Variants in MTHFD1 observed in about 807,000 individuals in gnomAD.
MTHFD1 encodes the protein C-1-tetrahydrofolate synthase, cytoplasmic.
MTHFD1 carries 44 observed loss-of-function variants against 110.3 expected under a neutral mutation model. That is an observed-to-expected ratio of 0.40 (90% confidence interval 0.31 to 0.51). MTHFD1 has a LOEUF of 0.51. Among genes scored for constraint, MTHFD1 ranks in the 20% least tolerant of loss-of-function variants. MTHFD1 has a pLI of 0.60. For missense variants in MTHFD1, 909 were observed against 1,173.1 expected (o/e 0.77, Z 3.29); for synonymous variants, 402 against 428.8 (o/e 0.94, Z 0.77).
chr14:64,395,779 A>G (rs997128151), intron 1 of MTHFD1, among the ~76,000 whole-genome samples: 7 of 152,164 alleles, frequency 4.6e-5, no homozygotes, highest in African/African-American at 7.2e-5. Context: ...GATAGTCCCC[A>G]TAACAAAGGA....
chr14:64,439,479 C>G (rs2078231757), intron 17 of MTHFD1: 1 of 430,952 alleles, frequency 2.3e-6, no homozygotes, highest in Non-Finnish European at 4.3e-6. Context: ...CTGTATATCT[C>G]CTTGGTTTAA....
chr14:64,404,178 T>C (rs2077920823), intron 2 of MTHFD1, among the ~76,000 whole-genome samples: 1 of 152,198 alleles, frequency 6.6e-6, no homozygotes, highest in East Asian at 1.9e-4. Flanking sequence ...TTTTAGGCAG[T>C]TTCATCTATC....
rs2078533320 is a variant in MTHFD1 at position 64,459,816 on chromosome 14, C to T, written c.*62C>T. 3.9e-6 allele frequency: 6 copies of T among 1,535,920 alleles called. No individual in the cohort carries two copies. The highest frequency in any genetic ancestry group is 5.2e-6 in the Non-Finnish European group (6 of 1,146,722). ...AGTCTGGCCAGTGTCTATTCAGGCC[C>T]ACTGGGAGTTAGGAAGTATAAGTAA... On this transcript the variant is annotated 3_prime_UTR_variant, in exon 28 of 28. Coordinates refer to ENST00000652337, the MANE Select transcript of MTHFD1 (RefSeq NM_005956.4).
intron 16 of MTHFD1, among the ~76,000 whole-genome samples, chr14:64,438,799 C>T (rs2078225632): frequency 6.6e-6 from 1 of 152,120 alleles, no homozygotes; most frequent in African/African-American, 2.4e-5. Context: ...CTCTGTTTTT[C>T]TTATATGTGG....
chr14:64,435,786 C>A, intron 16 of MTHFD1, 115 bp downstream of exon 16: 1 of 735,184 alleles, frequency 1.4e-6, no homozygotes. Flanking sequence ...ATTTTACCAG[C>A]TAAGGCATGA....
intron 15 of MTHFD1, 108 bp downstream of exon 15, chr14:64,431,969 A>T: frequency 1.1e-6 from 1 of 903,914 alleles, no homozygotes; most frequent in Non-Finnish European, 1.8e-6. Context: ...ATGAAGTTAC[A>T]TCAGTAATCA....
chr14:64,426,464 CTGTTGT>C (rs571611271), intron 11 of MTHFD1, among the ~76,000 whole-genome samples: 1 of 151,918 alleles, frequency 6.6e-6, no homozygotes, highest in East Asian at 1.9e-4. Flanking sequence ...TCACCTTTTG[CTGTTGT>C]TGTTGTTGTT....
intron 1 of MTHFD1, among the ~76,000 whole-genome samples, chr14:64,395,029 G>A (rs943317466): frequency 3.9e-5 from 6 of 152,326 alleles, no homozygotes. Context: ...CTAATTCTCA[G>A]TGTTAGAATT....
At chr14:64,437,205 C>A (rs1226999145) in intron 16 of MTHFD1, among the ~76,000 whole-genome samples, 1 of 151,320 alleles carries the variant, frequency 6.6e-6, no homozygotes, top group African/African-American at 2.4e-5. Context: ...TAGAAAACAT[C>A]TTGAAAAAAA....
chr14:64,411,665 C>T (rs1049739670), intron 3 of MTHFD1, among the ~76,000 whole-genome samples: 16 of 152,090 alleles, frequency 1.1e-4, no homozygotes, highest in South Asian at 2.1e-4. Context: ...TTTGGGAGGC[C>T]GAGGCGGGCG....
chr14:64,412,580 G>A, intron 4 of MTHFD1, 55 bp downstream of exon 4: 2 of 1,426,352 alleles, frequency 1.4e-6, no homozygotes, highest in South Asian at 1.1e-5. Flanking sequence ...TTCCTCTCTG[G>A]TTTTGGTTTA....
rs1231120893 is a variant in MTHFD1, at chr14:64,430,310, T to C, written c.1311+80T>C. The C allele has an allele frequency of 4.5e-6, 6 of 1,325,008 alleles. No individual in the cohort carries two copies. The Admixed American group carries it at 1.0e-4, about 22-fold the overall frequency. 82.1% of individuals were successfully genotyped at this position (1,325,008 alleles called of 1,614,324 possible). A position where few individuals can be genotyped will look rare whatever the true frequency, so the allele number is the denominator to read the frequency against. ...AGGGTGCTGAATTAGCTCCCTTTTT[T>C]TCCCCATGACGGAGTCTTGCTCTGT... is the stretch of plus-strand genomic sequence containing the variant. On this transcript the variant is annotated intron_variant, in intron 13 of 27. Transcript: ENST00000652337.
Position 64,431,507 on chromosome 14 carries a change from T to A in MTHFD1, c.1312-25T>A, listed in dbSNP as rs200569913. The A allele has an allele frequency of 2.0e-5, 32 of 1,568,734 alleles. No individual in the cohort carries two copies. The East Asian group carries it at 6.7e-4, about 33-fold the overall frequency. ...GAAAGATACAGAGCAGCTGGGAGACTAATGTGGCTTCTGTTCTTTTGTAGT... is the reference window on the plus strand; with the variant it reads ...GAAAGATACAGAGCAGCTGGGAGACAAATGTGGCTTCTGTTCTTTTGTAGT... On this transcript the variant is annotated intron_variant, in intron 13 of 27. Transcript: ENST00000652337.
intron 9 of MTHFD1, 45 bp downstream of exon 9, chr14:64,424,976 C>A: frequency 4.3e-6 from 7 of 1,611,792 alleles, no homozygotes; most frequent in Non-Finnish European, 5.9e-6. Context: ...AAAAGCTGAT[C>A]GAGTTTTGGC....
intron 24 of MTHFD1, 129 bp from the exon 25 acceptor site, chr14:64,453,625 T>C: frequency 2.9e-6 from 2 of 693,084 alleles, no homozygotes; most frequent in Non-Finnish European, 5.4e-6. Context: ...ACTATTTGCT[T>C]ATGTATATGT....
intron 2 of MTHFD1, among the ~76,000 whole-genome samples, chr14:64,402,576 GCATCTGTTT>G (rs778846899): frequency 6.6e-6 from 1 of 152,094 alleles, no homozygotes; most frequent in African/African-American, 2.4e-5. Context: ...ATATAAAAAT[GCATCTGTTT>G]CAGCTAACAA....
chr14:64,421,895 G>A (rs2078076752), intron 8 of MTHFD1, among the ~76,000 whole-genome samples: 1 of 152,036 alleles, frequency 6.6e-6, no homozygotes, highest in African/African-American at 2.4e-5. Flanking sequence ...AAAGTGCTGG[G>A]ATTACAGGCG....
chr14:64,399,762 C>G (rs1566554401), intron 1 of MTHFD1, among the ~76,000 whole-genome samples: 1 of 151,232 alleles, frequency 6.6e-6, no homozygotes, highest in African/African-American at 2.4e-5. Flanking sequence ...AATGTCCATT[C>G]AGTGGTGTTT....
chr14:64,443,747 C>T (rs2140976968), intron 21 of MTHFD1, among the ~76,000 whole-genome samples: 1 of 152,310 alleles, frequency 6.6e-6, no homozygotes, highest in South Asian at 2.1e-4. Flanking sequence ...TTACACCCCT[C>T]ACTCACCCTC....
Sources: gnomAD v4.1 joint callset for allele counts (sites outside exome capture counted in the v4.1 genomes callset) on GRCh38, gnomAD v4.1.1 for gene constraint, MANE v1.5 for transcripts, NCBI Gene and HGNC (gene_info 2026-07-23, HGNC 2026-07-21) for gene names.